NSMAF: variants seen among roughly 807,000 people sequenced by gnomAD.
NSMAF encodes the protein neutral sphingomyelinase activation associated factor, also known as protein FAN.
NSMAF carries 90 observed loss-of-function variants against 134.9 expected under a neutral mutation model. The observed-to-expected ratio is 0.67, with a 90% confidence interval of 0.56 to 0.79. The LOEUF (loss-of-function observed/expected upper bound fraction) is 0.79. NSMAF is among the 30% of genes least tolerant of loss of function. NSMAF has a pLI of 0.00. For missense variants in NSMAF, 1,010 were observed against 1,119.0 expected (o/e 0.90, Z 1.39); for synonymous variants, 358 against 389.6 (o/e 0.92, Z 0.96).
Position 58,658,782 on chromosome 8 carries a change from G to T in NSMAF, c.59+791C>A, listed in dbSNP as rs1220972767. Among the ~76,000 whole-genome samples, 10 of 152,324 alleles carry T rather than the reference G, an allele frequency of 6.6e-5. No individual in the cohort carries two copies. In the South Asian group the frequency reaches 1.9e-3, roughly 28 times the overall value. ...GCTTTCTTATGAGACTTCCCTTGGGGACAGGTCCAGCATATCTGAAAGGGA... is the reference window on the plus strand; with the variant it reads ...GCTTTCTTATGAGACTTCCCTTGGGTACAGGTCCAGCATATCTGAAAGGGA... On this transcript the variant is annotated intron_variant, in intron 1 of 30. Coordinates refer to ENST00000038176, the MANE Select transcript of NSMAF (RefSeq NM_003580.4).
chr8:58,623,508 T>A, intron 7 of NSMAF, 84 bp from the exon 8 acceptor site: 1 of 1,378,546 alleles, frequency 7.3e-7, no homozygotes. Flanking sequence ...GAAACAGCAA[T>A]CATTCTGTTA....
chr8:58,647,722 G>T (rs1222358386), intron 1 of NSMAF, among the ~76,000 whole-genome samples: 3 of 152,120 alleles, frequency 2.0e-5, no homozygotes, highest in Non-Finnish European at 4.4e-5. Flanking sequence ...AGCTCCCTGA[G>T]GCTTACCAGA....
chr8:58,642,984 C>T lies in NSMAF; in HGVS notation c.149G>A (p.Arg50Lys), dbSNP rs375346667. 1.2e-6 allele frequency: 2 copies of T among 1,609,952 alleles called. No homozygotes were observed. Among genetic ancestry groups the T allele is most frequent in the Non-Finnish European group, 1.7e-6 (2 of 1,176,314 alleles). The change falls in exon 2 of 31, where the codon AGG (arginine) becomes AAG (lysine). Residue 50 changes from arginine to lysine, a missense_variant and splice_region_variant. Coordinates refer to ENST00000038176, the MANE Select transcript of NSMAF (RefSeq NM_003580.4). ...CAAGGAGATACCGAAGCTTCCTTAC[C>T]TTTCATGGTGACTGCCCTTGTGCAA... ...HILHKGSHHE[R>K]KIRGSLKICS...
At chr8:58,645,799 G>C (rs1303879825) in intron 1 of NSMAF, among the ~76,000 whole-genome samples, 1 of 152,282 alleles carries the variant, frequency 6.6e-6, no homozygotes, top group South Asian at 2.1e-4. Flanking sequence ...CCAGCACTTC[G>C]GGAGGCCAAG....
intron 9 of NSMAF, among the ~76,000 whole-genome samples, chr8:58,615,989 G>A (rs185362857): frequency 2.4e-4 from 37 of 152,238 alleles, no homozygotes; most frequent in Admixed American, 3.9e-4. Flanking sequence ...TACTACAGAT[G>A]CTGCTGGCAT....
At chr8:58,608,164 T>G (rs1261231458) in intron 10 of NSMAF, among the ~76,000 whole-genome samples, 1 of 152,202 alleles carries the variant, frequency 6.6e-6, no homozygotes, top group Non-Finnish European at 1.5e-5. Context: ...TGATAAGAAA[T>G]ATAAAGAACT....
At chr8:58,659,540 C>A in intron 1 of NSMAF, 33 bp downstream of exon 1, 1 of 1,523,466 alleles carries the variant, frequency 6.6e-7, no homozygotes, top group Non-Finnish European at 8.8e-7. Context: ...CGACTAGGCC[C>A]CCGGCTGGGC....
In NSMAF at chr8:58,599,743, G is replaced by A. The variant is rs772159614; in HGVS notation, c.1453+7C>T. The stretch of plus-strand genomic sequence containing the variant: ...CTATAATACAACACCTCCAAGGGGG[G>A]ACTCACTGGAAGCCCAAGGGGGAAG... On this transcript the variant is annotated splice_region_variant and intron_variant, in intron 18 of 30. Transcript: ENST00000038176. 3.1e-6 allele frequency: 5 copies of A among 1,613,002 alleles called. No individual in the cohort carries two copies. In the African/African-American group the frequency reaches 4.0e-5, roughly 13 times the overall value.
chr8:58,617,665 A>G (rs1487032291), intron 9 of NSMAF, among the ~76,000 whole-genome samples: 4 of 152,120 alleles, frequency 2.6e-5, no homozygotes, highest in African/African-American at 9.7e-5. Flanking sequence ...GAAACAACAG[A>G]TACTGGAGAG....
intron 11 of NSMAF, among the ~76,000 whole-genome samples, chr8:58,606,749 A>G (rs867759569): frequency 3.3e-5 from 5 of 152,216 alleles, no homozygotes; most frequent in Admixed American, 6.5e-5. Flanking sequence ...CCCTTGGTTC[A>G]AATACAGGCT....
intron 1 of NSMAF, among the ~76,000 whole-genome samples, chr8:58,649,169 AG>A (rs1342638845): frequency 6.6e-6 from 1 of 152,200 alleles, no homozygotes; most frequent in Non-Finnish European, 1.5e-5. Flanking sequence ...TGGGACAAGG[AG>A]TCATAGGAGA....
At chr8:58,604,892 C>T (rs1339599233) in intron 12 of NSMAF, among the ~76,000 whole-genome samples, 16 of 152,150 alleles carry the variant, frequency 1.1e-4, no homozygotes, top group Non-Finnish European at 1.6e-4. Flanking sequence ...TACAGGCACA[C>T]GCCACCAGTC....
At chr8:58,654,248 G>C (rs1807650828) in intron 1 of NSMAF, among the ~76,000 whole-genome samples, 1 of 152,188 alleles carries the variant, frequency 6.6e-6, no homozygotes, top group Non-Finnish European at 1.5e-5. Flanking sequence ...CTCTTGCCAA[G>C]TGCTTTTTAT....
chr8:58,624,397 T>G (rs564541514), intron 6 of NSMAF, among the ~76,000 whole-genome samples: 1 of 152,272 alleles, frequency 6.6e-6, no homozygotes, highest in East Asian at 1.9e-4. Context: ...ACGTAGACAT[T>G]TAATTCTATA....
In NSMAF at chr8:58,605,847, T is replaced by C. The variant is rs533799680; in HGVS notation, c.868+80A>G. The C allele has an allele frequency of 3.3e-4, 450 of 1,374,202 alleles. 4 individuals carry two copies. In the African/African-American group the frequency reaches 5.8e-3, roughly 18 times the overall value. The allele number at this position is 1,374,202 out of a possible 1,614,324, so 85.1% of individuals were successfully genotyped here. A position where few individuals can be genotyped will look rare whatever the true frequency, so the allele number is the denominator to read the frequency against. On this transcript the variant is annotated intron_variant, in intron 12 of 30. Coordinates refer to ENST00000038176, the MANE Select transcript of NSMAF (RefSeq NM_003580.4). ...GTGAGCCGAGATCACGCCACTGCAC[T>C]CCAGCCTGGGTGACAGAGCGAGACT...
chr8:58,642,886 T>G, intron 2 of NSMAF, 98 bp downstream of exon 2: 3 of 853,538 alleles, frequency 3.5e-6, no homozygotes, highest in Non-Finnish European at 5.8e-6. Flanking sequence ...AAGCCTAATT[T>G]TTTCTTTAGT....
intron 9 of NSMAF, among the ~76,000 whole-genome samples, chr8:58,611,437 C>T (rs992251072): frequency 9.2e-5 from 14 of 152,120 alleles, no homozygotes; most frequent in Middle Eastern, 3.4e-3. Flanking sequence ...CTACTCAGGA[C>T]GCTGAGGATC....
chr8:58,585,346 C>G (rs899829527), intron 30 of NSMAF, among the ~76,000 whole-genome samples: 1 of 139,626 alleles, frequency 7.2e-6, no homozygotes, highest in Non-Finnish European at 1.5e-5. Context: ...TTTTACTATT[C>G]TAAAAATTTA....
chr8:58,609,430 C>T (rs1403293006), intron 10 of NSMAF, among the ~76,000 whole-genome samples, 174 bp downstream of exon 10: 2 of 152,168 alleles, frequency 1.3e-5, no homozygotes, highest in East Asian at 3.9e-4. Context: ...TCAGAGACTA[C>T]ACATCACGAT....
Sources: gnomAD v4.1 joint callset for allele counts (sites outside exome capture counted in the v4.1 genomes callset) on GRCh38, gnomAD v4.1.1 for gene constraint, MANE v1.5 for transcripts, NCBI Gene and HGNC (gene_info 2026-07-23, HGNC 2026-07-21) for gene names.